The following SMC6 variants were observed in gnomAD, a reference collection of about 807,000 sequenced individuals.
SMC6 encodes structural maintenance of chromosomes 6, also known as structural maintenance of chromosomes protein 6.
A neutral mutation model predicts 142.2 loss-of-function variants in SMC6; 79 were observed. The observed-to-expected ratio is 0.56, with a 90% CI of 0.46 to 0.67. The LOEUF (loss-of-function observed/expected upper bound fraction) is 0.67. SMC6 is among the 30% of genes least tolerant of loss of function. The probability of loss-of-function intolerance (pLI) is 0.00; values close to 1 mark genes in which losing one functional copy is unlikely to be tolerated. For missense variants in SMC6, 1,072 were observed against 1,284.0 expected (o/e 0.83, Z 2.52); for synonymous variants, 411 against 412.4 (o/e 1.00, Z 0.04).
chr2:17,753,564 G>A (rs187116045), intron 1 of SMC6, 62 bp downstream of exon 1: 9,935 of 152,212 alleles, frequency 0.065, 738 homozygotes, highest in African/African-American at 0.18. Flanking sequence ...CAGCCAAGGG[G>A]GCAGCGGGCG....
chr2:17,668,093 C>A (rs990117757), intron 26 of SMC6, among the ~76,000 whole-genome samples: 1 of 152,152 alleles, frequency 6.6e-6, no homozygotes, highest in Non-Finnish European at 1.5e-5. Context: ...TGGATACATT[C>A]TTCTGAATAA....
rs760683324 is a variant in SMC6 at position 17,665,451 on chromosome 2, C to A, written c.*48G>T. On this transcript the variant is annotated 3_prime_UTR_variant, in exon 28 of 28. Transcript: ENST00000448223. ...TATCAAAGAGTCCAGAATTTTTTTT[C>A]CCTTCACAAATCCTTCAACATCAGG... 1.1e-5 allele frequency: 15 copies of A among 1,325,952 alleles called. No homozygotes were observed. In the Admixed American group the frequency reaches 3.3e-4, roughly 29 times the overall value. 82.1% of individuals were successfully genotyped at this position (1,325,952 alleles called of 1,614,324 possible).
intron 7 of SMC6, among the ~76,000 whole-genome samples, chr2:17,727,147 G>A (rs1669667340): frequency 6.6e-6 from 1 of 152,150 alleles, no homozygotes; most frequent in African/African-American, 2.4e-5. Context: ...AAACCTGATT[G>A]GATTGAAGGA....
rs1001325712 is a variant in SMC6 at position 17,663,987 on chromosome 2, A to G, written c.*1512T>C. On this transcript the variant is annotated 3_prime_UTR_variant, in exon 28 of 28. Transcript: ENST00000448223. ...AGGCCAAAGCAATGAATAATCTTCAATTCAACAAGAGATGCTGGGATACCT... is the reference window on the plus strand; with the variant it reads ...AGGCCAAAGCAATGAATAATCTTCAGTTCAACAAGAGATGCTGGGATACCT... 1.3e-5 allele frequency: 2 copies of G among 152,240 alleles called. No individual in the cohort carries two copies. 9.4% of individuals were successfully genotyped at this position (152,240 alleles called of 1,614,324 possible). A position where few individuals can be genotyped will look rare whatever the true frequency, so the allele number is the denominator to read the frequency against.
chr2:17,696,118 C>CTT (rs1424500772), intron 22 of SMC6, among the ~76,000 whole-genome samples, 171 bp downstream of exon 22: 1 of 152,196 alleles, frequency 6.6e-6, no homozygotes, highest in Non-Finnish European at 1.5e-5. Context: ...TCCTCACACT[C>CTT]TGAGGGTCCC....
chr2:17,736,033 A>G (rs1051036897), intron 5 of SMC6, among the ~76,000 whole-genome samples: 9 of 152,220 alleles, frequency 5.9e-5, no homozygotes, highest in Admixed American at 5.2e-4. Context: ...ATAGAGTAAG[A>G]GCAGAACTAA....
intron 11 of SMC6, among the ~76,000 whole-genome samples, chr2:17,720,516 T>G (rs916428834): frequency 1.3e-5 from 2 of 152,240 alleles, no homozygotes; most frequent in Non-Finnish European, 2.9e-5. Context: ...TCTCTGGGCA[T>G]TGTTTTCAGT....
At chr2:17,735,763 TAGA>T (rs1224967862) in intron 5 of SMC6, among the ~76,000 whole-genome samples, 1 of 152,198 alleles carries the variant, frequency 6.6e-6, no homozygotes, top group Non-Finnish European at 1.5e-5. Flanking sequence ...GGTGGATAAT[TAGA>T]AGGATGAGTC....
At chr2:17,670,871 T>G (rs1182439991) in intron 25 of SMC6, among the ~76,000 whole-genome samples, 2 of 152,146 alleles carry the variant, frequency 1.3e-5, no homozygotes, top group African/African-American at 4.8e-5. Context: ...TAAAACAATT[T>G]TTTTTCTGAA....
intron 25 of SMC6, 82 bp downstream of exon 25, chr2:17,678,777 A>T: frequency 2.0e-6 from 2 of 1,021,346 alleles, no homozygotes; most frequent in Non-Finnish European, 2.9e-6. Flanking sequence ...CTCTGCCTCT[A>T]AAAAAAACCC....
intron 22 of SMC6, among the ~76,000 whole-genome samples, chr2:17,695,850 C>T (rs1220963894): frequency 6.6e-6 from 1 of 152,172 alleles, no homozygotes; most frequent in Non-Finnish European, 1.5e-5. Context: ...CTGGTTAGGA[C>T]AAGGTTGCCT....
At chr2:17,706,436 T>C (rs1490147792) in intron 18 of SMC6, among the ~76,000 whole-genome samples, 1 of 152,132 alleles carries the variant, frequency 6.6e-6, no homozygotes, top group Non-Finnish European at 1.5e-5. Context: ...GCTCTCATAA[T>C]CACATAAAAA....
chr2:17,705,820 T>A (rs1288580303), intron 18 of SMC6, among the ~76,000 whole-genome samples: 3 of 152,176 alleles, frequency 2.0e-5, no homozygotes, highest in South Asian at 2.1e-4. Flanking sequence ...AGTTTTTACA[T>A]AGAGAACATG....
At chr2:17,686,100 G>GT (rs1470273246) in intron 23 of SMC6, among the ~76,000 whole-genome samples, 1 of 152,080 alleles carries the variant, frequency 6.6e-6, no homozygotes, top group African/African-American at 2.4e-5. Context: ...ATTACAAAGC[G>GT]TAACTATACA....
intron 18 of SMC6, among the ~76,000 whole-genome samples, chr2:17,703,776 T>C (rs535116825): frequency 2.6e-5 from 4 of 152,244 alleles, no homozygotes; most frequent in Non-Finnish European, 4.4e-5. Context: ...ATATATGACA[T>C]ACTGTATGGT....
chr2:17,739,316 C>T (rs1670310304), intron 4 of SMC6, among the ~76,000 whole-genome samples: 1 of 151,496 alleles, frequency 6.6e-6, no homozygotes, highest in South Asian at 2.1e-4. Flanking sequence ...CCAGCCTGAG[C>T]AACAGAGAAA....
intron 23 of SMC6, among the ~76,000 whole-genome samples, chr2:17,687,219 G>T (rs946899479): frequency 1.2e-4 from 18 of 152,174 alleles, no homozygotes; most frequent in Admixed American, 1.2e-3. Flanking sequence ...TGAAGATACA[G>T]ATTCGAGCAC....
chr2:17,700,733 G>GT, intron 20 of SMC6, among the ~76,000 whole-genome samples: 1 of 152,154 alleles, frequency 6.6e-6, no homozygotes, highest in South Asian at 2.1e-4. Context: ...TTATCCATAT[G>GT]TTTAAGAAAT....
At chr2:17,693,062 G>A (rs1204873700) in intron 23 of SMC6, among the ~76,000 whole-genome samples, 1 of 152,204 alleles carries the variant, frequency 6.6e-6, no homozygotes, top group Non-Finnish European at 1.5e-5. Context: ...AACATCAGGT[G>A]CTGGAGAGGA....
Sources: allele counts gnomAD v4.1 joint callset (sites outside exome capture counted in the v4.1 genomes callset), GRCh38; gene constraint gnomAD v4.1.1; transcripts MANE v1.5; gene names NCBI Gene and HGNC (gene_info 2026-07-23, HGNC 2026-07-21).